MAN2A1: variants seen among roughly 807,000 people sequenced by gnomAD.
MAN2A1 encodes the protein alpha-mannosidase 2.
A neutral mutation model predicts 142.6 loss-of-function variants in MAN2A1; 76 were observed. The ratio of observed to expected loss-of-function variants is 0.53; its 90% CI spans 0.44 to 0.65. The LOEUF (loss-of-function observed/expected upper bound fraction) is 0.65, where lower values mean the gene tolerates loss of function less well. Ranked by LOEUF, MAN2A1 falls within the 30% of genes least tolerant of loss-of-function variation. MAN2A1 has a pLI of 0.00. For missense variants in MAN2A1, 1,311 were observed against 1,365.1 expected, an observed-to-expected ratio of 0.96 and a Z score of 0.62; for synonymous variants, 559 against 473.2, an observed-to-expected ratio of 1.18 and a Z score of -2.35.
chr5:109,735,468 C>G (rs537344084), intron 4 of MAN2A1, among the ~76,000 whole-genome samples: 9 of 152,266 alleles, frequency 5.9e-5, no homozygotes, highest in Non-Finnish European at 1.0e-4. Context: ...TTCCTAGCCT[C>G]GATGGTCTTT....
At chr5:109,866,715 C>G in intron 21 of MAN2A1, 131 bp from the exon 22 acceptor site, 1 of 555,382 alleles carries the variant, frequency 1.8e-6, no homozygotes, top group Non-Finnish European at 3.2e-6. Flanking sequence ...TTAATCCACC[C>G]TTTTTTCCTC....
intron 16 of MAN2A1, among the ~76,000 whole-genome samples, chr5:109,838,463 A>G (rs1487950132): frequency 6.6e-6 from 1 of 152,208 alleles, no homozygotes; most frequent in Non-Finnish European, 1.5e-5. Context: ...TGTGATGCAC[A>G]GGTAAAACAG....
chr5:109,704,870 G>A (rs913508066), intron 1 of MAN2A1, among the ~76,000 whole-genome samples: 3 of 152,198 alleles, frequency 2.0e-5, no homozygotes, highest in Middle Eastern at 3.4e-3. Context: ...AGATCTCTGC[G>A]CTTTTCTAGG....
At position 109,845,962 on chromosome 5, in the gene MAN2A1, C is replaced by T; in HGVS notation, c.2798C>T (p.Thr933Ile). The change falls in exon 18 of 22, where the codon ACA (threonine) becomes ATA (isoleucine). Residue 933 changes from threonine (T) to isoleucine (I), a missense_variant. Physicochemically the swap from Thr to Ile is moderately conservative, Grantham distance 89. Coordinates refer to ENST00000261483, the MANE Select transcript of MAN2A1 (RefSeq NM_002372.4). ...AYIQDAKHRL[T>I]LLSAQSLGVS... ...ATCCAGGATGCCAAACATCGTTTGA[C>T]ACTGCTCTCTGCTCAGTCATTAGGG... The T allele has an allele frequency of 6.2e-7, 1 of 1,613,678 alleles. No homozygotes were observed. Among genetic ancestry groups the T allele is most frequent in the Non-Finnish European group, 8.5e-7 (1 of 1,179,680 alleles).
intron 16 of MAN2A1, among the ~76,000 whole-genome samples, chr5:109,839,423 A>G (rs368961655): frequency 3.6e-4 from 54 of 151,918 alleles, no homozygotes; most frequent in South Asian, 1.9e-3. Flanking sequence ...TGGGTCATCT[A>G]TCTTTGCAGG....
chr5:109,756,026 C>T (rs1752679352), intron 5 of MAN2A1, among the ~76,000 whole-genome samples: 1 of 151,910 alleles, frequency 6.6e-6, no homozygotes, highest in South Asian at 2.1e-4. Context: ...GTTGGCCCAA[C>T]TTGAGTCAGT....
chr5:109,820,167 A>G (rs914127956), intron 14 of MAN2A1, 53 bp from the exon 15 acceptor site: 4 of 1,468,228 alleles, frequency 2.7e-6, no homozygotes, highest in South Asian at 1.2e-5. Context: ...CAGATGCAAC[A>G]TGCTTAACAT....
intron 12 of MAN2A1, among the ~76,000 whole-genome samples, chr5:109,791,340 C>T (rs926523119): frequency 6.6e-6 from 1 of 152,016 alleles, no homozygotes; most frequent in Non-Finnish European, 1.5e-5. Context: ...TTGTTAGCTG[C>T]AAATTATTTT....
chr5:109,775,562 A>G (rs952379947), intron 8 of MAN2A1, among the ~76,000 whole-genome samples: 4 of 151,650 alleles, frequency 2.6e-5, no homozygotes, highest in Admixed American at 1.3e-4. Context: ...CCCCATATCC[A>G]TGGCTCAGCT....
chr5:109,846,897 G>C (rs1315538470), intron 18 of MAN2A1, among the ~76,000 whole-genome samples: 1 of 152,126 alleles, frequency 6.6e-6, no homozygotes, highest in Non-Finnish European at 1.5e-5. Flanking sequence ...CCACATCAGG[G>C]ATCCAGTAGG....
At chr5:109,720,447 A>G (rs1751569439) in intron 3 of MAN2A1, among the ~76,000 whole-genome samples, 1 of 152,210 alleles carries the variant, frequency 6.6e-6, no homozygotes, top group South Asian at 2.1e-4. Flanking sequence ...TATCCTCTAA[A>G]AAAGTTTGTA....
intron 3 of MAN2A1, among the ~76,000 whole-genome samples, chr5:109,722,710 C>G (rs1457077112): frequency 6.6e-6 from 1 of 152,192 alleles, no homozygotes; most frequent in Non-Finnish European, 1.5e-5. Context: ...GCCACCGTAC[C>G]TAGCAATATT....
At chr5:109,834,908 A>G (rs1443421817) in intron 16 of MAN2A1, among the ~76,000 whole-genome samples, 2 of 152,220 alleles carry the variant, frequency 1.3e-5, no homozygotes, top group Non-Finnish European at 2.9e-5. Flanking sequence ...CAACATGGAA[A>G]AAAAGATCAT....
chr5:109,798,239 C>G (rs1337105998), intron 12 of MAN2A1, among the ~76,000 whole-genome samples: 1 of 152,122 alleles, frequency 6.6e-6, no homozygotes, highest in Non-Finnish European at 1.5e-5. Flanking sequence ...TATAGGAGAT[C>G]CTAAATAATA....
chr5:109,833,341 C>A (rs1012865953), intron 16 of MAN2A1, among the ~76,000 whole-genome samples: 1 of 152,028 alleles, frequency 6.6e-6, no homozygotes, highest in African/African-American at 2.4e-5. Flanking sequence ...GAGGTTGTAG[C>A]GAGCCGAGAT....
intron 3 of MAN2A1, among the ~76,000 whole-genome samples, chr5:109,723,998 T>C (rs984561714): frequency 3.3e-5 from 5 of 152,176 alleles, no homozygotes; most frequent in African/African-American, 1.2e-4. Flanking sequence ...TTTGAATGAA[T>C]AAATCAGAAC....
At chr5:109,757,773 C>T (rs1044194951) in intron 5 of MAN2A1, among the ~76,000 whole-genome samples, 1 of 152,116 alleles carries the variant, frequency 6.6e-6, no homozygotes, top group African/African-American at 2.4e-5. Flanking sequence ...CTATTCTGGA[C>T]ATTTCACATA....
chr5:109,844,651 A>G (rs957406763), intron 17 of MAN2A1, among the ~76,000 whole-genome samples: 4 of 152,222 alleles, frequency 2.6e-5, no homozygotes, highest in South Asian at 4.1e-4. Context: ...TCCAAAAGCT[A>G]TAGGGAAATA....
rs576920846 is a variant in MAN2A1, at chr5:109,754,087, T to G, written c.708-1242T>G. ...CCACACCTGGCTAACTTTTTAATTTTATTTTGTAAATATGGGATCTCCTTA... is the reference window on the plus strand; with the variant it reads ...CCACACCTGGCTAACTTTTTAATTTGATTTTGTAAATATGGGATCTCCTTA... On this transcript the variant is annotated intron_variant, in intron 4 of 21. Transcript: ENST00000261483. 6.6e-5 allele frequency among the ~76,000 whole-genome samples: 10 copies of G among 152,116 alleles called. No homozygotes were observed. In the South Asian group the frequency reaches 2.1e-3, roughly 32 times the overall value.
Sources: allele counts gnomAD v4.1 joint callset (sites outside exome capture counted in the v4.1 genomes callset), GRCh38; gene constraint gnomAD v4.1.1; transcripts MANE v1.5; gene names NCBI Gene and HGNC (gene_info 2026-07-23, HGNC 2026-07-21).